Variants in TRAF3 observed in about 807,000 individuals in gnomAD.
TRAF3 encodes TNF receptor-associated factor 3.
A neutral mutation model predicts 62.3 loss-of-function variants in TRAF3; 13 were observed. The observed-to-expected ratio is 0.21, with a 90% CI of 0.14 to 0.33. The LOEUF (loss-of-function observed/expected upper bound fraction) is 0.33, where lower values mean the gene tolerates loss of function less well. TRAF3 is among the 10% of genes least tolerant of loss of function. The pLI is 1.00. For missense variants in TRAF3, 440 were observed against 741.8 expected, an observed-to-expected ratio of 0.59 and a Z score of 4.73; for synonymous variants, 269 against 283.4, an observed-to-expected ratio of 0.95 and a Z score of 0.51.
At chr14:102,852,081 A>T (rs1486225222) in intron 2 of TRAF3, among the ~76,000 whole-genome samples, 1 of 152,122 alleles carries the variant, frequency 6.6e-6, no homozygotes, top group Admixed American at 6.6e-5. Flanking sequence ...CAAAAGAAAA[A>T]AAAGAAAAGA....
At chr14:102,787,330 TATTTAA>T (rs1897556307) in intron 1 of TRAF3, among the ~76,000 whole-genome samples, 1 of 152,212 alleles carries the variant, frequency 6.6e-6, no homozygotes, top group Non-Finnish European at 1.5e-5. Flanking sequence ...AATTTTTATA[TATTTAA>T]ATTCGTATTT....
chr14:102,905,735 C>T lies in TRAF3; in HGVS notation c.1658C>T (p.Thr553Ile). ...AATGGGACATATATTAAAGATGATA[C>T]AATTTTTATTAAAGTCATAGTGGAT... ...LENGTYIKDDTIFIKVIVDTS... is the reference protein window; with the variant it reads ...LENGTYIKDDIIFIKVIVDTS... Residue 553 changes from threonine to isoleucine, a missense_variant, in exon 12 of 12, where the codon ACA becomes ATA. Transcript: ENST00000392745. 1 of 1,612,754 alleles carries T rather than the reference C, an allele frequency of 6.2e-7. No individual in the cohort carries two copies.
In TRAF3 at chr14:102,858,341, C is replaced by T. The variant is rs150144719; in HGVS notation, c.-17-11844C>T. ...TAATTTTTGTATTTCTTAGTAGAGA[C>T]GGGGTTTCACCACATTGGTCATGCT... On this transcript the variant is annotated intron_variant, in intron 2 of 11. Coordinates refer to ENST00000392745, the MANE Select transcript of TRAF3 (RefSeq NM_145725.3). 3.9e-4 allele frequency among the ~76,000 whole-genome samples: 59 copies of T among 152,182 alleles called. No homozygotes were observed. The East Asian group carries it at 9.1e-3, about 23-fold the overall frequency.
chr14:102,824,837 G>C (rs1900203556), intron 1 of TRAF3, among the ~76,000 whole-genome samples: 1 of 152,202 alleles, frequency 6.6e-6, no homozygotes, highest in South Asian at 2.1e-4. Context: ...CTGAATTAAG[G>C]TTGAAAATAT....
At chr14:102,897,045 G>T (rs895762640) in intron 9 of TRAF3, among the ~76,000 whole-genome samples, 1 of 152,102 alleles carries the variant, frequency 6.6e-6, no homozygotes, top group African/African-American at 2.4e-5. Flanking sequence ...CTGCACTCCA[G>T]CCTGGGGACA....
At chr14:102,882,243 G>T in intron 6 of TRAF3, among the ~76,000 whole-genome samples, 1 of 152,230 alleles carries the variant, frequency 6.6e-6, no homozygotes, top group Non-Finnish European at 1.5e-5. Context: ...AGCACAGAAT[G>T]ATAATGAGTT....
intron 9 of TRAF3, among the ~76,000 whole-genome samples, chr14:102,897,019 A>G (rs1890041501): frequency 6.6e-6 from 1 of 152,156 alleles, no homozygotes; most frequent in South Asian, 2.1e-4. Flanking sequence ...GGCTGCAGTG[A>G]GCTATGATTG....
chr14:102,816,875 C>A (rs933652561), intron 1 of TRAF3, among the ~76,000 whole-genome samples: 2 of 152,218 alleles, frequency 1.3e-5, no homozygotes, highest in African/African-American at 4.8e-5. Context: ...ACTTCTGAAT[C>A]TAGCGCATGC....
At position 102,905,919 on chromosome 14, in the gene TRAF3, C is replaced by T. The variant is rs1197969748; in HGVS notation, c.*135C>T. Reference sequence around the variant, plus strand: ...GAAGCGGCAGAAGGCGGACGCGTGCCGGCGGGAGGAGCCACGCGTGAGCAC... The same window carrying T: ...GAAGCGGCAGAAGGCGGACGCGTGCTGGCGGGAGGAGCCACGCGTGAGCAC... On this transcript the variant is annotated 3_prime_UTR_variant, in exon 12 of 12. Coordinates refer to ENST00000392745, the MANE Select transcript of TRAF3 (RefSeq NM_145725.3). The T allele has an allele frequency of 9.0e-6, 7 of 778,214 alleles. No individual in the cohort carries two copies. The highest frequency in any genetic ancestry group is 7.3e-5 in the South Asian group (4 of 54,606). The allele number at this position is 778,214 out of a possible 1,614,324, so 48.2% of individuals were successfully genotyped here. A position where few individuals can be genotyped will look rare whatever the true frequency, so the allele number is the denominator to read the frequency against.
chr14:102,887,884 C>T lies in TRAF3; in HGVS notation c.651+1615C>T, dbSNP rs144990035. On this transcript the variant is annotated intron_variant, in intron 7 of 11. Coordinates refer to ENST00000392745, the MANE Select transcript of TRAF3 (RefSeq NM_145725.3). ...TGCTAGGATTACAGGTGTGAGCCAC[C>T]GCGCCCGGCCAATAATTTCTTATTT... Among the ~76,000 whole-genome samples, 174 of 152,222 alleles carry T rather than the reference C, an allele frequency of 1.1e-3. 2 individuals carry two copies. Among genetic ancestry groups the T allele is most frequent in the Middle Eastern group, 6.8e-3 (2 of 294 alleles).
chr14:102,824,511 GT>G (rs1486808510), intron 1 of TRAF3, among the ~76,000 whole-genome samples: 4 of 152,226 alleles, frequency 2.6e-5, no homozygotes, highest in African/African-American at 9.6e-5. Flanking sequence ...ATTTGTCTAT[GT>G]TTTCCCTTCA....
chr14:102,903,449 C>A lies in TRAF3; in HGVS notation c.1135+20C>A. On this transcript the variant is annotated intron_variant, in intron 11 of 11. Coordinates refer to ENST00000392745, the MANE Select transcript of TRAF3 (RefSeq NM_145725.3). The surrounding 1 kb of genome is among the most constrained non-coding windows in gnomAD (Gnocchi z 6.4). ...ACACAGGTGAGGCAGGGGCCGGGGC[C>A]GGGCCAGCAGTGTGCATCTGGGCCC... 6.2e-7 allele frequency: 1 copy of A among 1,612,928 alleles called. No homozygotes were observed. Among genetic ancestry groups the A allele is most frequent in the Non-Finnish European group, 8.5e-7 (1 of 1,179,712 alleles).
At chr14:102,828,778 A>T (rs903859598) in intron 1 of TRAF3, among the ~76,000 whole-genome samples, 1 of 152,210 alleles carries the variant, frequency 6.6e-6, no homozygotes, top group South Asian at 2.1e-4. Context: ...AATGCCCTAT[A>T]TAAGTGAATT....
intron 1 of TRAF3, among the ~76,000 whole-genome samples, chr14:102,820,597 TATATATATATATATA>T (rs1442131602): frequency 4.9e-3 from 57 of 11,580 alleles, no homozygotes; most frequent in Non-Finnish European, 5.9e-3. Flanking sequence ...TATATATATA[TATATATATATATATA>T]TATTTTTTTT....
chr14:102,868,860 G>A (rs1044851795), intron 2 of TRAF3, among the ~76,000 whole-genome samples: 4 of 152,170 alleles, frequency 2.6e-5, no homozygotes, highest in African/African-American at 9.7e-5. Flanking sequence ...ACTTGATCTT[G>A]AGGTCTCATC....
intron 1 of TRAF3, among the ~76,000 whole-genome samples, chr14:102,817,622 A>G (rs912697091): frequency 6.6e-6 from 1 of 152,180 alleles, no homozygotes; most frequent in East Asian, 1.9e-4. Flanking sequence ...AAAAGCTGAG[A>G]GTAAGGGTGA....
Position 102,835,586 on chromosome 14 carries a change from C to T in TRAF3, c.-18+5114C>T, listed in dbSNP as rs146528682. ...ATGTAACTGTAAGAAAGAATGAGAT[C>T]CTCCTGTCTTTTGCAAGAACGTGGT... is the stretch of plus-strand genomic sequence containing the variant. On this transcript the variant is annotated intron_variant, in intron 2 of 11. Transcript: ENST00000392745. Among the ~76,000 whole-genome samples the T allele has an allele frequency of 1.0e-3, 157 of 152,288 alleles. 1 individual carries two copies. The highest frequency in any genetic ancestry group is 6.8e-3 in the Middle Eastern group (2 of 294).
chr14:102,896,826 G>A (rs1890031287), intron 9 of TRAF3, among the ~76,000 whole-genome samples: 1 of 152,204 alleles, frequency 6.6e-6, no homozygotes, highest in Admixed American at 6.5e-5. Flanking sequence ...CTCTTTGAGA[G>A]GCTGAGGTAG....
intron 1 of TRAF3, among the ~76,000 whole-genome samples, chr14:102,804,420 CAG>C (rs1204656669): frequency 6.6e-6 from 1 of 152,186 alleles, no homozygotes; most frequent in East Asian, 1.9e-4. Context: ...GCCGTAGCAA[CAG>C]AGGACAGTGG....
Sources: gnomAD v4.1 joint callset for allele counts (sites outside exome capture counted in the v4.1 genomes callset) on GRCh38, gnomAD v4.1.1 for gene constraint, Gnocchi (gnomAD v3.1) non-coding constraint, MANE v1.5 for transcripts, NCBI Gene and HGNC (gene_info 2026-07-23, HGNC 2026-07-21) for gene names.